The following DSCAM variants were observed in gnomAD, a reference collection of about 807,000 sequenced individuals.
The protein encoded by DSCAM is cell adhesion molecule DSCAM.
A neutral mutation model predicts 217.7 loss-of-function variants in DSCAM; 47 were observed. That is an observed-to-expected ratio of 0.22 (90% CI 0.17 to 0.28). The LOEUF is 0.28. Among genes scored for constraint, DSCAM ranks in the 10% least tolerant of loss-of-function variants. The pLI, the probability that DSCAM is intolerant of heterozygous loss-of-function variation, is 1.00. For missense variants in DSCAM, 2,080 were observed against 2,618.3 expected, an observed-to-expected ratio of 0.79 and a Z score of 4.49; for synonymous variants, 1,056 against 1,015.3, an observed-to-expected ratio of 1.04 and a Z score of -0.76.
At chr21:40,680,762 T>C (rs933016489) in intron 3 of DSCAM, among the ~76,000 whole-genome samples, 1 of 152,246 alleles carries the variant, frequency 6.6e-6, no homozygotes, top group East Asian at 1.9e-4. Flanking sequence ...CTCCCATACA[T>C]GAGCCTTGGA....
intron 3 of DSCAM, among the ~76,000 whole-genome samples, chr21:40,450,368 T>C (rs1400417487): frequency 6.6e-6 from 1 of 152,216 alleles, no homozygotes; most frequent in African/African-American, 2.4e-5. Flanking sequence ...ATGTTTTTGA[T>C]GTACCACTGT....
intron 8 of DSCAM, among the ~76,000 whole-genome samples, chr21:40,312,802 C>T (rs951215460): frequency 6.6e-6 from 1 of 152,158 alleles, no homozygotes; most frequent in African/African-American, 2.4e-5. Context: ...ATATTCTAAA[C>T]CCACTGAAGA....
In DSCAM at chr21:40,349,136, CAAA is replaced by C. The variant is rs758386936; in HGVS notation, c.935-1194_935-1192del. On this transcript the variant is annotated intron_variant, in intron 5 of 32. Transcript: ENST00000400454. Reference sequence around the variant, plus strand: ...TGGGGGACAGAGTGAGACTCCATCTCAAAAAAAAAAAAAAAAAAAGAAATGCAA... The same window carrying C: ...TGGGGGACAGAGTGAGACTCCATCTCAAAAAAAAAAAAAAAAGAAATGCAA... Among the ~76,000 whole-genome samples the C allele has an allele frequency of 1.2e-3, 47 of 38,716 alleles. 4 individuals carry two copies. In the South Asian group the frequency reaches 0.036, roughly 30 times the overall value. 25.4% of individuals were successfully genotyped at this position (38,716 alleles called of 152,430 possible). A position where few individuals can be genotyped will look rare whatever the true frequency, so the allele number is the denominator to read the frequency against.
At chr21:40,307,616 A>G (rs1423719221) in intron 9 of DSCAM, among the ~76,000 whole-genome samples, 1 of 152,224 alleles carries the variant, frequency 6.6e-6, no homozygotes, top group African/African-American at 2.4e-5. Context: ...TCATGCTGCT[A>G]TAAAGACACA....
chr21:40,665,903 G>A (rs1228121862), intron 3 of DSCAM, among the ~76,000 whole-genome samples: 1 of 152,236 alleles, frequency 6.6e-6, no homozygotes, highest in East Asian at 1.9e-4. Flanking sequence ...CGCTGCCATA[G>A]CATTCCCTGA....
intron 11 of DSCAM, among the ~76,000 whole-genome samples, chr21:40,226,998 G>A (rs1980816163): frequency 6.6e-6 from 1 of 152,098 alleles, no homozygotes. Flanking sequence ...AGAACATGTA[G>A]TATTTGTTTT....
intron 19 of DSCAM, among the ~76,000 whole-genome samples, chr21:40,124,568 G>T (rs1419356990): frequency 6.6e-6 from 1 of 152,098 alleles, no homozygotes; most frequent in Non-Finnish European, 1.5e-5. Flanking sequence ...AGTTTGTTAG[G>T]GTGGTCCCTA....
At chr21:40,498,728 G>T (rs891884938) in intron 3 of DSCAM, among the ~76,000 whole-genome samples, 176 of 13,146 alleles carry the variant, frequency 0.013, 3 homozygotes, top group East Asian at 0.025. Context: ...TATATATATG[G>T]GTGTGTGTAT....
intron 3 of DSCAM, among the ~76,000 whole-genome samples, chr21:40,612,927 G>C (rs1474280307): frequency 6.6e-6 from 1 of 151,958 alleles, no homozygotes; most frequent in Non-Finnish European, 1.5e-5. Flanking sequence ...TTCTTTCCAG[G>C]TTCAAGAATT....
At chr21:40,339,949 T>C (rs2074473464) in intron 6 of DSCAM, among the ~76,000 whole-genome samples, 1 of 152,224 alleles carries the variant, frequency 6.6e-6, no homozygotes, top group Admixed American at 6.5e-5. Context: ...ATTGATGACC[T>C]CATCTTCATC....
intron 5 of DSCAM, among the ~76,000 whole-genome samples, chr21:40,349,310 T>C (rs1462069463): frequency 2.0e-5 from 3 of 151,402 alleles, no homozygotes; most frequent in South Asian, 4.2e-4. Flanking sequence ...TAACACACAA[T>C]TGTGAGGAAA....
chr21:40,051,853 G>A, intron 30 of DSCAM, 105 bp downstream of exon 30: 2 of 1,421,790 alleles, frequency 1.4e-6, no homozygotes, highest in Non-Finnish European at 1.9e-6. Flanking sequence ...TGTTTCTCAG[G>A]CATAGGTATG....
At chr21:40,704,440 C>T (rs948567930) in intron 2 of DSCAM, among the ~76,000 whole-genome samples, 2 of 152,148 alleles carry the variant, frequency 1.3e-5, no homozygotes, top group African/African-American at 4.8e-5. Context: ...TGTAGCTGGG[C>T]CCTGTGGCTC....
At position 40,093,708 on chromosome 21, in the gene DSCAM, A is replaced by G. The variant is rs1433251461; in HGVS notation, c.3850+13T>C. The G allele has an allele frequency of 6.2e-7, 1 of 1,613,820 alleles. No individual in the cohort carries two copies. The highest frequency in any genetic ancestry group is 1.3e-5 in the African/African-American group (1 of 74,932). ...TTACAACAGGAAATGAGGTCCTTAT[A>G]GCCACTGCCTACCTTTTGCTAGTGG... On this transcript the variant is annotated intron_variant, in intron 21 of 32. Coordinates refer to ENST00000400454, the MANE Select transcript of DSCAM (RefSeq NM_001389.5).
chr21:40,656,929 C>T (rs1012273042), intron 3 of DSCAM, among the ~76,000 whole-genome samples: 1 of 152,166 alleles, frequency 6.6e-6, no homozygotes, highest in African/African-American at 2.4e-5. Context: ...ATATGAAATG[C>T]TAACTGTGCA....
intron 20 of DSCAM, among the ~76,000 whole-genome samples, chr21:40,100,381 T>C (rs1458052376): frequency 6.6e-6 from 1 of 152,208 alleles, no homozygotes; most frequent in African/African-American, 2.4e-5. Context: ...TTTTGAAATA[T>C]TTCCCTCCAT....
chr21:40,039,804 T>C (rs2088710466), intron 32 of DSCAM, among the ~76,000 whole-genome samples: 1 of 152,064 alleles, frequency 6.6e-6, no homozygotes, highest in Non-Finnish European at 1.5e-5. Flanking sequence ...ATCATAACTA[T>C]TTGTACTGAA....
chr21:40,570,870 C>T (rs1391915056), intron 3 of DSCAM, among the ~76,000 whole-genome samples: 2 of 151,836 alleles, frequency 1.3e-5, no homozygotes, highest in Non-Finnish European at 2.9e-5. Flanking sequence ...AACAAAGCAT[C>T]CAAGACCTGT....
Position 40,679,703 on chromosome 21 carries a change from A to T in DSCAM, c.508+13107T>A, listed in dbSNP as rs184524261. ...TCATTCTGCCTTATTGTCATTTTAT[A>T]TCATACTTTTGCTATTTAAGAAAAA... On this transcript the variant is annotated intron_variant, in intron 3 of 32. Transcript: ENST00000400454. Among the ~76,000 whole-genome samples the T allele has an allele frequency of 3.7e-3, 563 of 152,352 alleles. 5 individuals carry two copies. The highest frequency in any genetic ancestry group is 0.012 in the African/African-American group (489 of 41,590).
Sources: gnomAD v4.1 joint callset for allele counts (sites outside exome capture counted in the v4.1 genomes callset) on GRCh38, gnomAD v4.1.1 for gene constraint, MANE v1.5 for transcripts, NCBI Gene and HGNC (gene_info 2026-07-23, HGNC 2026-07-21) for gene names.